STK32C: variants seen among roughly 807,000 people sequenced by gnomAD.
The protein encoded by STK32C is serine/threonine kinase 32C, also known as serine/threonine-protein kinase 32C.
Under a neutral mutation model 56.5 loss-of-function variants are expected in STK32C, and 31 were observed. The ratio of observed to expected loss-of-function variants is 0.55; its 90% CI spans 0.41 to 0.74. The LOEUF is 0.74. STK32C is among the 30% of genes least tolerant of loss of function. STK32C has a pLI of 0.00. For synonymous variants in STK32C, 309 were observed against 289.4 expected (o/e 1.07, Z -0.69); for missense variants, 544 against 676.9 (o/e 0.80, Z 2.18).
intron 1 of STK32C, among the ~76,000 whole-genome samples, chr10:132,327,435 T>C (rs2066521950): frequency 6.6e-6 from 1 of 152,148 alleles, no homozygotes; most frequent in Non-Finnish European, 1.5e-5. Context: ...CCTCCCACAA[T>C]TCTCCCCAAC....
At chr10:132,293,748 C>G (rs1049392526) in intron 1 of STK32C, among the ~76,000 whole-genome samples, 4 of 152,254 alleles carry the variant, frequency 2.6e-5, no homozygotes, top group African/African-American at 9.6e-5. Context: ...GAGCCAGGAG[C>G]CCAGCAGGTG....
chr10:132,321,013 G>A (rs1287144338), downstream of STK32C, among the ~76,000 whole-genome samples: 1 of 152,186 alleles, frequency 6.6e-6, no homozygotes, highest in Non-Finnish European at 1.5e-5. Flanking sequence ...CCTGGGACTG[G>A]CTTGCCGTGT....
At chr10:132,259,657 G>A (rs2064240556) in intron 1 of STK32C, among the ~76,000 whole-genome samples, 1 of 152,170 alleles carries the variant, frequency 6.6e-6, no homozygotes, top group Non-Finnish European at 1.5e-5. Context: ...GTTTCCTGAG[G>A]CCTCCCAGCC....
chr10:132,236,869 C>G (rs1470410760), intron 2 of STK32C, among the ~76,000 whole-genome samples: 3 of 152,190 alleles, frequency 2.0e-5, no homozygotes, highest in Non-Finnish European at 4.4e-5. Flanking sequence ...CGTGTTGGCC[C>G]CAGGGTCCCT....
chr10:132,268,064 C>A (rs1307835535), intron 1 of STK32C, among the ~76,000 whole-genome samples: 1 of 135,306 alleles, frequency 7.4e-6, no homozygotes, highest in Non-Finnish European at 1.5e-5. Context: ...CCCACATGTC[C>A]CACGTCGTGT....
chr10:132,257,176 A>ACATG (rs2064152350), intron 1 of STK32C, among the ~76,000 whole-genome samples: 1 of 152,260 alleles, frequency 6.6e-6, no homozygotes, highest in African/African-American at 2.4e-5. Context: ...TGGATACAGG[A>ACATG]CATGCCCTGA....
chr10:132,224,688 G>A (rs968472865), intron 7 of STK32C, among the ~76,000 whole-genome samples, 165 bp from the exon 8 acceptor site: 1 of 151,744 alleles, frequency 6.6e-6, no homozygotes, highest in African/African-American at 2.4e-5. Context: ...GAGGAGCCTG[G>A]GTGAGATAAA....
At chr10:132,244,294 C>T (rs998836453) in intron 2 of STK32C, among the ~76,000 whole-genome samples, 2 of 152,222 alleles carry the variant, frequency 1.3e-5, no homozygotes, top group African/African-American at 2.4e-5. Context: ...TCCTGTTCCC[C>T]GCATTCCACA....
chr10:132,235,395 C>T (rs2063243770), intron 2 of STK32C, among the ~76,000 whole-genome samples: 1 of 144,706 alleles, frequency 6.9e-6, no homozygotes, highest in South Asian at 2.2e-4. Context: ...TCTCGGGAGG[C>T]TGAGGCAGGG....
In STK32C at chr10:132,328,557, G is replaced by C. The variant is rs114193818; in HGVS notation, c.301+2879C>G. 7.0e-3 allele frequency among the ~76,000 whole-genome samples: 1,072 copies of C among 152,292 alleles called. 7 individuals are homozygous for C. The highest frequency in any genetic ancestry group is 0.023 in the African/African-American group (962 of 41,546). On this transcript the variant is annotated intron_variant, in intron 1 of 1. Coordinates refer to the STK32C transcript ENST00000368619. ...GGCAGATTGGTCCCTGGGCAAGAAG[G>C]GGGTATTTTCGGGAAAGGGCTATTA...
intron 1 of STK32C, among the ~76,000 whole-genome samples, chr10:132,315,469 G>A (rs1394597942): frequency 4.6e-5 from 7 of 151,718 alleles, no homozygotes; most frequent in Admixed American, 2.0e-4. Flanking sequence ...ATGTATCCCA[G>A]AACTTAAAAG....
Position 132,225,218 on chromosome 10 carries a change from G to T in STK32C, c.876+15C>A. On this transcript the variant is annotated intron_variant, in intron 7 of 11. Coordinates refer to ENST00000298630, the MANE Select transcript of STK32C (RefSeq NM_173575.4). ...GGCCTGGCAGCCAAGCCCAGGGGCT[G>T]CAGGGGGTCCATACCCATCCTCGCA... is the stretch of plus-strand genomic sequence containing the variant. 1 of 1,585,602 alleles carries T rather than the reference G, an allele frequency of 6.3e-7. No individual in the cohort carries two copies. Among genetic ancestry groups the T allele is most frequent in the South Asian group, 1.1e-5 (1 of 87,262 alleles).
At chr10:132,246,961 T>C (rs2063715749) in intron 1 of STK32C, among the ~76,000 whole-genome samples, 1 of 152,152 alleles carries the variant, frequency 6.6e-6, no homozygotes, top group African/African-American at 2.4e-5. Flanking sequence ...TGAAGCCAGG[T>C]TTAGGACACC....
Position 132,229,347 on chromosome 10 carries a change from G to T in STK32C, c.319-1219C>A, listed in dbSNP as rs550146544. Among the ~76,000 whole-genome samples, 9 of 152,264 alleles carry T rather than the reference G, an allele frequency of 5.9e-5. No homozygotes were observed. In the South Asian group the frequency reaches 1.0e-3, roughly 18 times the overall value. ...GATGGCCCTGGGCTCCTGGCTGCATGCCCGGAAAGCGTGGTGGCACACACC... is the reference window on the plus strand; with the variant it reads ...GATGGCCCTGGGCTCCTGGCTGCATTCCCGGAAAGCGTGGTGGCACACACC... On this transcript the variant is annotated intron_variant, in intron 2 of 11. Transcript: ENST00000298630.
intron 1 of STK32C, among the ~76,000 whole-genome samples, chr10:132,272,132 C>T (rs74161761): frequency 0.12 from 18,717 of 152,226 alleles, 1,919 homozygotes; most frequent in African/African-American, 0.28. Flanking sequence ...TGCCTCCGAG[C>T]GTGGCTGTGT....
intron 1 of STK32C, among the ~76,000 whole-genome samples, chr10:132,303,182 C>T (rs1434384559): frequency 6.6e-6 from 1 of 152,184 alleles, no homozygotes; most frequent in African/African-American, 2.4e-5. Context: ...CAGATCCCTA[C>T]AGGGGGAAAC....
intron 1 of STK32C, among the ~76,000 whole-genome samples, chr10:132,276,618 G>GAAA (rs35343457): frequency 2.8e-4 from 42 of 148,354 alleles, no homozygotes; most frequent in African/African-American, 7.7e-4. Context: ...CCCCATCTCT[G>GAAA]AAAAAAAAAA....
intron 10 of STK32C, among the ~76,000 whole-genome samples, chr10:132,212,314 A>G (rs2062331778): frequency 6.6e-6 from 1 of 152,228 alleles, no homozygotes; most frequent in Non-Finnish European, 1.5e-5. Flanking sequence ...AAGCAATTCA[A>G]TGGGGAAAGA....
chr10:132,291,031 G>A (rs895294669), intron 1 of STK32C, among the ~76,000 whole-genome samples: 18 of 152,178 alleles, frequency 1.2e-4, no homozygotes, highest in African/African-American at 3.9e-4. Context: ...TCCTGCATTC[G>A]ATAACAGCCC....
Sources: allele counts gnomAD v4.1 joint callset (sites outside exome capture counted in the v4.1 genomes callset), GRCh38; gene constraint gnomAD v4.1.1; transcripts MANE v1.5; gene names NCBI Gene and HGNC (gene_info 2026-07-23, HGNC 2026-07-21).